The following RRP12 variants were observed in gnomAD, a reference collection of about 807,000 sequenced individuals.
RRP12 encodes ribosomal RNA processing 12 homolog.
In RRP12, 78 loss-of-function variants were observed where a neutral mutation model predicts 157.3. The ratio of observed to expected loss-of-function variants is 0.50; its 90% confidence interval spans 0.41 to 0.60. RRP12 has a LOEUF of 0.60. Among genes scored for constraint, RRP12 ranks in the 20% least tolerant of loss-of-function variants. The pLI, the probability that RRP12 is intolerant of heterozygous loss-of-function variation, is 0.00. For synonymous variants in RRP12, 726 were observed against 670.9 expected (o/e 1.08, Z -1.27); for missense variants, 1,521 against 1,679.9 (o/e 0.91, Z 1.65).
rs201546585 is a variant in RRP12 at position 97,357,091 on chromosome 10, G to A, written c.*3C>T. ...CCACAGGGCAGCCCAGGGGCCCTGG[G>A]CCTCAGGGTCGACGATCCTTTCTGC... On this transcript the variant is annotated 3_prime_UTR_variant, in exon 34 of 34. Coordinates refer to ENST00000370992, the MANE Select transcript of RRP12 (RefSeq NM_015179.4). 8.8e-5 allele frequency: 141 copies of A among 1,599,428 alleles called. No individual in the cohort carries two copies. Among genetic ancestry groups the A allele is most frequent in the Non-Finnish European group, 1.2e-4 (139 of 1,167,370 alleles).
upstream of RRP12, chr10:97,401,360 T>G (rs1233363980): frequency 2.5e-6 from 3 of 1,201,864 alleles, no homozygotes; most frequent in South Asian, 1.4e-5. Context: ...TCCGGATTCG[T>G]GTGCATTACT....
chr10:97,370,462 G>T lies in RRP12; in HGVS notation c.2682C>A (p.Asn894Lys). ...MGHAFLRFGSNQEEALQCYLV... is the reference protein window; with the variant it reads ...MGHAFLRFGSKQEEALQCYLV... ...CAGCCCCCTGGGCCTCACCTTCCTGGTTCGAGCCAAACCTTAGGAAAGCAT... is the reference window on the plus strand; with the variant it reads ...CAGCCCCCTGGGCCTCACCTTCCTGTTTCGAGCCAAACCTTAGGAAAGCAT... Residue 894 changes from asparagine to lysine, a missense_variant, in exon 23 of 34, where the codon AAC becomes AAA. Transcript: ENST00000370992. 1 of 1,600,498 alleles carries T rather than the reference G, an allele frequency of 6.2e-7. No individual in the cohort carries two copies. Among genetic ancestry groups the T allele is most frequent in the South Asian group, 1.1e-5 (1 of 89,694 alleles).
chr10:97,362,786 C>T (rs1843878574), intron 30 of RRP12, among the ~76,000 whole-genome samples: 1 of 152,210 alleles, frequency 6.6e-6, no homozygotes, highest in African/African-American at 2.4e-5. Flanking sequence ...GCTCTTCAAA[C>T]AGAATTCTGC....
At chr10:97,400,575 T>C in intron 1 of RRP12, 41 bp from the exon 2 acceptor site, 1 of 1,543,366 alleles carries the variant, frequency 6.5e-7, no homozygotes, top group Non-Finnish European at 8.9e-7. Context: ...AGCCTCCTTT[T>C]GGTCAAGAGA....
At chr10:97,398,039 A>ATTTTTTTT (rs1184698036) in intron 2 of RRP12, among the ~76,000 whole-genome samples, 8 of 56,036 alleles carry the variant, frequency 1.4e-4, no homozygotes, top group South Asian at 6.2e-4. Flanking sequence ...ATATATACGT[A>ATTTTTTTT]TTTTTTTTTT....
At chr10:97,384,813 C>T (rs1844575235) in intron 10 of RRP12, among the ~76,000 whole-genome samples, 1 of 150,466 alleles carries the variant, frequency 6.6e-6, no homozygotes, top group Admixed American at 6.6e-5. Flanking sequence ...GCTCTGAGAA[C>T]TCTGCAACCT....
chr10:97,369,053 G>GA (rs922524211), intron 25 of RRP12, among the ~76,000 whole-genome samples: 43 of 147,206 alleles, frequency 2.9e-4, no homozygotes, highest in Admixed American at 4.1e-4. Flanking sequence ...TGCAAGATGG[G>GA]AAAAAAAAAA....
intron 4 of RRP12, among the ~76,000 whole-genome samples, chr10:97,391,826 C>A (rs1375892518): frequency 2.6e-5 from 4 of 151,538 alleles, no homozygotes; most frequent in Non-Finnish European, 5.9e-5. Flanking sequence ...CAGGCTGAGG[C>A]ACGAGAACGG....
Position 97,369,454 on chromosome 10 carries a change from C to T in RRP12, c.2926G>A (p.Ala976Thr), listed in dbSNP as rs1844077197. 1.2e-6 allele frequency: 2 copies of T among 1,612,380 alleles called. No individual in the cohort carries two copies. Among genetic ancestry groups the T allele is most frequent in the South Asian group, 1.1e-5 (1 of 90,596 alleles). ...IKVAVTVMDVAHLAKHVQLVM... is the reference protein window; with the variant it reads ...IKVAVTVMDVTHLAKHVQLVM... ...AGCTGCACATGTTTGGCCAGGTGCG[C>T]CACGTCCATGACAGTCACTGCCACC... The change falls in exon 25 of 34, where the codon GCG becomes ACG. Residue 976 changes from alanine (A) to threonine (T), a missense_variant. Transcript: ENST00000370992.
intron 20 of RRP12, 113 bp downstream of exon 20, chr10:97,371,960 G>GA (rs1258144200): frequency 3.4e-5 from 23 of 678,970 alleles, no homozygotes; most frequent in Non-Finnish European, 3.5e-5. Flanking sequence ...AGCAGACAGG[G>GA]ACCTGATCTC....
rs753749049 is a variant in RRP12 at position 97,369,560 on chromosome 10, C to T, written c.2820G>A (p.Val940=). The T allele has an allele frequency of 1.3e-6, 2 of 1,570,684 alleles. No individual in the cohort carries two copies. Among genetic ancestry groups the T allele is most frequent in the Non-Finnish European group, 1.7e-6 (2 of 1,157,656 alleles). Residue 940 remains valine (V), a synonymous_variant, in exon 25 of 34, where the codon GTG becomes GTA. Coordinates refer to ENST00000370992, the MANE Select transcript of RRP12 (RefSeq NM_015179.4). ...GGCACACATTCTCCAGCAGCTGCTC[C>T]ACTGTACTGGTCCCCATCAGACCTG... The part of the protein sequence containing the change: ...EFKGLMGTST[V]EQLLENVCLL...
intron 25 of RRP12, 94 bp downstream of exon 25, chr10:97,369,331 T>A: frequency 1.5e-6 from 2 of 1,315,848 alleles, no homozygotes; most frequent in South Asian, 1.4e-5. Flanking sequence ...ACAAAAAAAA[T>A]AGTTTGAAAC....
At position 97,400,523 on chromosome 10, in the gene RRP12, G is replaced by A. The variant is rs1845115507; in HGVS notation, c.151C>T (p.Leu51=). ...TGTAACTTCACAGCATCGACTGTCAGGTCACTCCTTCCTGAGAGCCAGAGG... is the reference window on the plus strand; with the variant it reads ...TGTAACTTCACAGCATCGACTGTCAAGTCACTCCTTCCTGAGAGCCAGAGG... The part of the protein sequence containing the change: ...FFSRPSGRSD[L]TVDAVKLHNE... The change falls in exon 2 of 34, where the codon CTG becomes TTG. Residue 51 remains leucine, a synonymous_variant. Transcript: ENST00000370992. 3 of 1,613,568 alleles carry A rather than the reference G, an allele frequency of 1.9e-6. No homozygotes were observed. The highest frequency in any genetic ancestry group is 1.7e-6 in the Non-Finnish European group (2 of 1,179,800).
At position 97,390,536 on chromosome 10, in the gene RRP12, G is replaced by A; in HGVS notation, c.640C>T (p.Leu214Phe). 3 of 1,611,856 alleles carry A rather than the reference G, an allele frequency of 1.9e-6. No individual in the cohort carries two copies. The highest frequency in any genetic ancestry group is 1.3e-5 in the African/African-American group (1 of 75,020). The change falls in exon 6 of 34, where the codon CTT (leucine) becomes TTT (phenylalanine). Residue 214 changes from leucine (L) to phenylalanine (F), a missense_variant. Transcript: ENST00000370992. ...SGSTSVLRWV[L>F]SCLATLLRKQ... ...CGCAGAAGGGTGGCCAGGCAGGAAA[G>A]GACCTGGAAGAAAGTCAGAGTCCCT...
At chr10:97,381,628 C>G in intron 11 of RRP12, 87 bp downstream of exon 11, 2 of 1,305,200 alleles carry the variant, frequency 1.5e-6, no homozygotes, top group Non-Finnish European at 2.2e-6. Context: ...TGGGCCCGAG[C>G]TGGTAGCCTG....
intron 14 of RRP12, 30 bp from the exon 15 acceptor site, chr10:97,379,444 G>A: frequency 6.2e-7 from 1 of 1,613,090 alleles, no homozygotes; most frequent in Non-Finnish European, 8.5e-7. Flanking sequence ...AACCCAATGA[G>A]GATGAGGGGA....
At position 97,371,889 on chromosome 10, in the gene RRP12, C is replaced by G. The variant is rs1206011420; in HGVS notation, c.2343+184G>C. On this transcript the variant is annotated intron_variant, in intron 20 of 33. Transcript: ENST00000370992. ...TAAGCACAGCTGTGCATTTCAGTCC[C>G]TTTGGGACCTGCAAGACAGATGGGC... The G allele has an allele frequency of 7.2e-6, 4 of 554,986 alleles. No homozygotes were observed. The African/African-American group carries it at 7.5e-5, about 10-fold the overall frequency. 34.4% of individuals were successfully genotyped at this position (554,986 alleles called of 1,614,324 possible).
downstream of RRP12, chr10:97,356,421 C>CA (rs1257719700): frequency 6.6e-6 from 1 of 152,242 alleles, no homozygotes; most frequent in Non-Finnish European, 1.5e-5. Flanking sequence ...AATCAATGAA[C>CA]AAAGATGCTG....
intron 26 of RRP12, 39 bp downstream of exon 26, chr10:97,367,002 C>T: frequency 6.2e-7 from 1 of 1,611,636 alleles, no homozygotes; most frequent in Non-Finnish European, 8.5e-7. Flanking sequence ...TCCTCGGCCC[C>T]TCGCTTGCCC....
Sources: allele counts gnomAD v4.1 joint callset (sites outside exome capture counted in the v4.1 genomes callset), GRCh38; gene constraint gnomAD v4.1.1; transcripts MANE v1.5; gene names NCBI Gene and HGNC (gene_info 2026-07-23, HGNC 2026-07-21).